CAMTA1: variants seen among roughly 807,000 people sequenced by gnomAD.
CAMTA1 encodes the protein calmodulin binding transcription activator 1.
A neutral mutation model predicts 170.9 loss-of-function variants in CAMTA1; 27 were observed. The ratio of observed to expected loss-of-function variants is 0.16; its 90% CI spans 0.12 to 0.22. The LOEUF is 0.22. CAMTA1 is among the 10% of genes least tolerant of loss of function. The pLI, the probability that CAMTA1 is intolerant of heterozygous loss-of-function variation, is 1.00. For missense variants in CAMTA1, 1,619 were observed against 2,217.2 expected (o/e 0.73, Z 5.42); for synonymous variants, 833 against 891.5 (o/e 0.93, Z 1.17).
chr1:6,806,600 C>A (rs1644536184), intron 1 of CAMTA1, among the ~76,000 whole-genome samples: 1 of 152,112 alleles, frequency 6.6e-6, no homozygotes, highest in Non-Finnish European at 1.5e-5. Context: ...CACTGTTAGA[C>A]TGGAATTGGA....
intron 4 of CAMTA1, among the ~76,000 whole-genome samples, chr1:7,211,014 C>T (rs550558509): frequency 7.9e-5 from 12 of 152,282 alleles, no homozygotes; most frequent in African/African-American, 2.2e-4. Flanking sequence ...GCATAGAGAA[C>T]GTTAACAGAT....
rs1387824713 is a variant in CAMTA1, at chr1:7,299,876, G to A, written c.438+50250G>A. Among the ~76,000 whole-genome samples, 1 of 152,168 alleles carries A rather than the reference G, an allele frequency of 6.6e-6. No individual in the cohort carries two copies. Among genetic ancestry groups the A allele is most frequent in the African/African-American group, 2.4e-5 (1 of 41,430 alleles). On this transcript the variant is annotated intron_variant, in intron 5 of 22. Coordinates refer to ENST00000303635, the MANE Select transcript of CAMTA1 (RefSeq NM_015215.4). This position sits in a 1 kb window ranked among gnomAD's most constrained non-coding sequence, Gnocchi z 4.7. Reference sequence around the variant, plus strand: ...TGTAAGAATAAGCAATACAAAATAAGGAACACAAAATGAGACCTAGAGTCT... The same window carrying A: ...TGTAAGAATAAGCAATACAAAATAAAGAACACAAAATGAGACCTAGAGTCT...
At chr1:6,978,928 C>T (rs1693945800) in intron 3 of CAMTA1, among the ~76,000 whole-genome samples, 1 of 152,118 alleles carries the variant, frequency 6.6e-6, no homozygotes, top group Non-Finnish European at 1.5e-5. Context: ...TGTCTCCACA[C>T]CCGTCAGTAA....
chr1:6,976,855 A>G (rs1693519194), intron 3 of CAMTA1, among the ~76,000 whole-genome samples: 1 of 152,158 alleles, frequency 6.6e-6, no homozygotes, highest in Non-Finnish European at 1.5e-5. Context: ...GAGGTAATAG[A>G]ACCATGGGGA....
intron 6 of CAMTA1, among the ~76,000 whole-genome samples, chr1:7,601,674 T>A (rs1309237897): frequency 6.6e-6 from 1 of 152,210 alleles, no homozygotes; most frequent in African/African-American, 2.4e-5. Flanking sequence ...TGAACGCGAC[T>A]CCGTCTGCAA....
At position 7,325,544 on chromosome 1, in the gene CAMTA1, G is replaced by T. The variant is rs183240881; in HGVS notation, c.438+75918G>T. ...CCCAGAAGAGAGGTGGTGATGACTT[G>T]CTCCAGGGTGTAGCCAGGTGGATGG... On this transcript the variant is annotated intron_variant, in intron 5 of 22. Coordinates refer to ENST00000303635, the MANE Select transcript of CAMTA1 (RefSeq NM_015215.4). This position sits in a 1 kb window ranked among gnomAD's most constrained non-coding sequence, Gnocchi z 5.0. 6.6e-6 allele frequency among the ~76,000 whole-genome samples: 1 copy of T among 152,320 alleles called. No homozygotes were observed. The highest frequency in any genetic ancestry group is 1.9e-4 in the East Asian group (1 of 5,188).
At chr1:7,518,903 G>A (rs1003870512) in intron 6 of CAMTA1, among the ~76,000 whole-genome samples, 4 of 151,934 alleles carry the variant, frequency 2.6e-5, no homozygotes, top group African/African-American at 4.9e-5. Context: ...ATGGCTCCAG[G>A]CCTGCCAGCC....
intron 5 of CAMTA1, among the ~76,000 whole-genome samples, chr1:7,385,930 C>T (rs913744546): frequency 6.5e-4 from 99 of 152,354 alleles, no homozygotes; most frequent in African/African-American, 2.2e-3. Context: ...CTCACTCACT[C>T]GCTCCTTCTG....
At chr1:7,636,483 A>G (rs570604375) in intron 6 of CAMTA1, among the ~76,000 whole-genome samples, 51 of 152,246 alleles carry the variant, frequency 3.3e-4, no homozygotes, top group African/African-American at 1.2e-3. Flanking sequence ...TTAGGAGGCC[A>G]AGGTGGGTGG....
chr1:7,702,605 T>C (rs1211042583), intron 11 of CAMTA1, among the ~76,000 whole-genome samples: 1 of 152,210 alleles, frequency 6.6e-6, no homozygotes. Flanking sequence ...CTGTGCAAGC[T>C]GCTGGGATGT....
At chr1:7,612,649 G>A (rs1369764275) in intron 6 of CAMTA1, among the ~76,000 whole-genome samples, 1 of 152,164 alleles carries the variant, frequency 6.6e-6, no homozygotes, top group Non-Finnish European at 1.5e-5. Flanking sequence ...GAGCTCACTG[G>A]GCCGGAAGGG....
chr1:6,958,719 A>G (rs1398930804), intron 3 of CAMTA1, among the ~76,000 whole-genome samples: 1 of 152,156 alleles, frequency 6.6e-6, no homozygotes, highest in Admixed American at 6.5e-5. Context: ...CAGCTTCCCG[A>G]GCTGTCACCC....
At chr1:7,571,453 A>C (rs1004533258) in intron 6 of CAMTA1, among the ~76,000 whole-genome samples, 5 of 152,172 alleles carry the variant, frequency 3.3e-5, no homozygotes, top group African/African-American at 1.2e-4. Flanking sequence ...CATAGTACCC[A>C]ATAACTATTT....
chr1:7,267,619 T>C (rs1267374043), intron 5 of CAMTA1, among the ~76,000 whole-genome samples: 1 of 152,190 alleles, frequency 6.6e-6, no homozygotes, highest in Non-Finnish European at 1.5e-5. Context: ...GTTCAGAGAT[T>C]CTGAGCACCT....
chr1:6,971,586 A>G lies in CAMTA1; in HGVS notation c.235-119718A>G, dbSNP rs899078560. Among the ~76,000 whole-genome samples the G allele has an allele frequency of 1.3e-5, 2 of 152,098 alleles. No homozygotes were observed. Among genetic ancestry groups the G allele is most frequent in the African/African-American group, 4.8e-5 (2 of 41,380 alleles). On this transcript the variant is annotated intron_variant, in intron 3 of 22. Coordinates refer to ENST00000303635, the MANE Select transcript of CAMTA1 (RefSeq NM_015215.4). This position sits in a 1 kb window ranked among gnomAD's most constrained non-coding sequence, Gnocchi z 4.6. ...AAGTCTCTAACCGAAAACTAGATCC[A>G]CAGGCAGGCCTTTTATTAAAAGGCA...
Position 7,738,146 on chromosome 1 carries a change from T to C in CAMTA1, c.3846T>C (p.Ser1282=). 1 of 1,614,094 alleles carries C rather than the reference T, an allele frequency of 6.2e-7. No homozygotes were observed. Among genetic ancestry groups the C allele is most frequent in the Non-Finnish European group, 8.5e-7 (1 of 1,179,984 alleles). ...IRKQSPSSKQ[S]VPETLSPSEG... ...AGCAAAGCCCTAGTTCTAAGCAGTC[T>C]GTCCCCGAGACACTCAGCCCCAGTG... The change falls in exon 16 of 23, where the codon TCT becomes TCC. Residue 1282 remains serine, a synonymous_variant. Coordinates refer to ENST00000303635, the MANE Select transcript of CAMTA1 (RefSeq NM_015215.4). This position sits in a 1 kb window ranked among gnomAD's most constrained non-coding sequence, Gnocchi z 4.9.
chr1:7,570,948 T>A lies in CAMTA1; in HGVS notation c.511-69452T>A, dbSNP rs555111980. Among the ~76,000 whole-genome samples, 1 of 152,310 alleles carries A rather than the reference T, an allele frequency of 6.6e-6. No individual in the cohort carries two copies. The highest frequency in any genetic ancestry group is 6.5e-5 in the Admixed American group (1 of 15,306). ...TGCCTCAAGATGGGCAGCCTTTCTG[T>A]GTCGCCGGAGGTTGTGAGGATTAAA... On this transcript the variant is annotated intron_variant, in intron 6 of 22. Coordinates refer to ENST00000303635, the MANE Select transcript of CAMTA1 (RefSeq NM_015215.4). The surrounding 1 kb of genome is among the most constrained non-coding windows in gnomAD (Gnocchi z 4.3).
At chr1:7,102,351 G>T (rs1361085031) in intron 4 of CAMTA1, among the ~76,000 whole-genome samples, 1 of 152,154 alleles carries the variant, frequency 6.6e-6, no homozygotes, top group African/African-American at 2.4e-5. Context: ...GAGGACAGGG[G>T]AGCTCACTGA....
At chr1:7,639,752 T>C (rs1409440195) in intron 6 of CAMTA1, among the ~76,000 whole-genome samples, 1 of 150,494 alleles carries the variant, frequency 6.6e-6, no homozygotes, top group Non-Finnish European at 1.5e-5. Flanking sequence ...ACCTGGACGA[T>C]GGAGTGAGAC....
Sources: gnomAD v4.1 joint callset for allele counts (sites outside exome capture counted in the v4.1 genomes callset) on GRCh38, gnomAD v4.1.1 for gene constraint, Gnocchi (gnomAD v3.1) non-coding constraint, MANE v1.5 for transcripts, NCBI Gene and HGNC (gene_info 2026-07-23, HGNC 2026-07-21) for gene names.